DDX10: variants seen among roughly 807,000 people sequenced by gnomAD.
DDX10 encodes DEAD-box helicase 10.
DDX10 carries 74 observed loss-of-function variants against 104.3 expected under a neutral mutation model. The observed-to-expected ratio is 0.71, with a 90% confidence interval of 0.59 to 0.86. DDX10 has a LOEUF of 0.86. DDX10 is among the 40% of genes least tolerant of loss of function. The probability of loss-of-function intolerance (pLI) is 0.00; values close to 1 mark genes in which losing one functional copy is unlikely to be tolerated. For missense variants in DDX10, 952 were observed against 1,040.0 expected (o/e 0.92, Z 1.16); for synonymous variants, 351 against 353.4 (o/e 0.99, Z 0.08).
At chr11:108,679,629 A>C in intron 6 of DDX10, 69 bp downstream of exon 6, 1 of 1,170,768 alleles carries the variant, frequency 8.5e-7, no homozygotes, top group Non-Finnish European at 1.2e-6. Flanking sequence ...TGGTATTTTA[A>C]ATATCTGTTT....
chr11:108,717,431 T>A (rs1176256228), intron 11 of DDX10, among the ~76,000 whole-genome samples: 1 of 151,986 alleles, frequency 6.6e-6, no homozygotes, highest in East Asian at 1.9e-4. Flanking sequence ...TGCTTCAGCC[T>A]CCCGAGTAGC....
intron 13 of DDX10, among the ~76,000 whole-genome samples, chr11:108,749,082 CTCTCTA>C (rs1185012541): frequency 2.0e-5 from 3 of 151,492 alleles, no homozygotes; most frequent in Non-Finnish European, 4.4e-5. Context: ...CTCTCTCTCT[CTCTCTA>C]TATATATATT....
At chr11:108,838,404 C>A in intron 13 of DDX10, 42 bp from the exon 14 acceptor site, 1 of 1,583,348 alleles carries the variant, frequency 6.3e-7, no homozygotes, top group Non-Finnish European at 8.6e-7. Context: ...ATAAAGCAAC[C>A]ATTTTCCTAA....
intron 13 of DDX10, among the ~76,000 whole-genome samples, chr11:108,742,521 C>T (rs1397219560): frequency 2.0e-5 from 3 of 152,064 alleles, no homozygotes; most frequent in East Asian, 1.9e-4. Flanking sequence ...GCTAAGATCG[C>T]GCCATTGCAT....
intron 14 of DDX10, 130 bp from the exon 15 acceptor site, chr11:108,841,185 A>G (rs1360935903): frequency 1.1e-5 from 8 of 726,410 alleles, no homozygotes; most frequent in Non-Finnish European, 1.8e-5. Flanking sequence ...TTAGAAGATT[A>G]AATAATACAG....
intron 9 of DDX10, among the ~76,000 whole-genome samples, chr11:108,698,714 C>G (rs1191732670): frequency 2.6e-5 from 4 of 152,224 alleles, no homozygotes; most frequent in African/African-American, 9.6e-5. Flanking sequence ...CCTTCTAAAA[C>G]ATAAGTCGGA....
intron 13 of DDX10, among the ~76,000 whole-genome samples, chr11:108,797,405 G>T (rs567647140): frequency 6.6e-6 from 1 of 152,180 alleles, no homozygotes; most frequent in Non-Finnish European, 1.5e-5. Flanking sequence ...AACAATATTT[G>T]CATCTGATTT....
chr11:108,907,785 T>C (rs1469925012), intron 16 of DDX10, among the ~76,000 whole-genome samples: 1 of 152,186 alleles, frequency 6.6e-6, no homozygotes. Flanking sequence ...TACATACACA[T>C]TTGGCCATAT....
chr11:108,932,528 A>G (rs1414231286), intron 17 of DDX10, among the ~76,000 whole-genome samples: 2 of 151,994 alleles, frequency 1.3e-5, no homozygotes, highest in East Asian at 3.8e-4. Context: ...TCCATTCTCC[A>G]TTGAATCAGA....
intron 13 of DDX10, among the ~76,000 whole-genome samples, chr11:108,778,518 C>T (rs1441176948): frequency 2.0e-5 from 3 of 152,154 alleles, no homozygotes; most frequent in African/African-American, 7.2e-5. Context: ...TGGATCCCTT[C>T]CTTACACCTT....
chr11:108,756,201 A>C (rs188708394), intron 13 of DDX10, among the ~76,000 whole-genome samples: 1 of 152,104 alleles, frequency 6.6e-6, no homozygotes, highest in East Asian at 1.9e-4. Flanking sequence ...TTGTGTTGGT[A>C]AATTTGTATT....
At chr11:108,872,072 A>G (rs1473515030) in intron 16 of DDX10, among the ~76,000 whole-genome samples, 1 of 152,246 alleles carries the variant, frequency 6.6e-6, no homozygotes, top group Non-Finnish European at 1.5e-5. Context: ...TCATTGCGAC[A>G]TTCTGAATTT....
At chr11:108,888,663 T>C (rs555398235) in intron 16 of DDX10, among the ~76,000 whole-genome samples, 1 of 152,274 alleles carries the variant, frequency 6.6e-6, no homozygotes, top group East Asian at 1.9e-4. Context: ...TTGGATGAGA[T>C]TGGCTTAAAC....
chr11:108,697,711 G>A (rs2094261854), intron 9 of DDX10, among the ~76,000 whole-genome samples: 1 of 152,110 alleles, frequency 6.6e-6, no homozygotes, highest in South Asian at 2.1e-4. Context: ...TCTATCCTGT[G>A]ATACATTCTG....
intron 13 of DDX10, among the ~76,000 whole-genome samples, chr11:108,764,344 A>G (rs1239210389): frequency 1.3e-5 from 2 of 152,102 alleles, no homozygotes; most frequent in Non-Finnish European, 2.9e-5. Flanking sequence ...TATTTTTTAT[A>G]AAATTCTCTC....
At chr11:108,938,397 C>T (rs1164492800) in intron 17 of DDX10, among the ~76,000 whole-genome samples, 4 of 152,140 alleles carry the variant, frequency 2.6e-5, no homozygotes, top group Non-Finnish European at 5.9e-5. Context: ...AGCACATTAA[C>T]AGAGGATGCA....
chr11:108,916,376 C>T (rs973443058), intron 16 of DDX10, among the ~76,000 whole-genome samples: 1 of 152,140 alleles, frequency 6.6e-6, no homozygotes, highest in Admixed American at 6.5e-5. Context: ...AATCCCCCCT[C>T]CCCCCAACTC....
intron 13 of DDX10, among the ~76,000 whole-genome samples, chr11:108,729,025 C>T (rs979150444): frequency 2.6e-5 from 4 of 152,108 alleles, no homozygotes; most frequent in African/African-American, 9.7e-5. Flanking sequence ...TTCTTCTCTC[C>T]TTCACTTTCA....
Position 108,677,186 on chromosome 11 carries a change from T to A in DDX10, c.480T>A (p.Val160=). The part of the protein sequence containing the change: ...TRELAYQTFE[V]LRKVGKNHDF... ...AACTGGCCTATCAGACCTTTGAGGT[T>A]CTCCGAAAAGTAGGAAAGAATCATG... The change falls in exon 4 of 18, where the codon GTT becomes GTA. Residue 160 remains valine (V), a synonymous_variant. Coordinates refer to ENST00000322536, the MANE Select transcript of DDX10 (RefSeq NM_004398.4). The A allele has an allele frequency of 6.2e-7, 1 of 1,614,012 alleles. No homozygotes were observed. The highest frequency in any genetic ancestry group is 8.5e-7 in the Non-Finnish European group (1 of 1,179,976).
Sources: gnomAD v4.1 joint callset for allele counts (sites outside exome capture counted in the v4.1 genomes callset) on GRCh38, gnomAD v4.1.1 for gene constraint, MANE v1.5 for transcripts, NCBI Gene and HGNC (gene_info 2026-07-23, HGNC 2026-07-21) for gene names.